EXTL3: variants seen among roughly 807,000 people sequenced by gnomAD.
EXTL3 encodes the protein exostosin like glycosyltransferase 3.
In EXTL3, 27 loss-of-function variants were observed where a neutral mutation model predicts 69.3. The ratio of observed to expected loss-of-function variants is 0.39; its 90% CI spans 0.29 to 0.54. The LOEUF is 0.54. EXTL3 is among the 20% of genes least tolerant of loss of function. The probability of loss-of-function intolerance (pLI) is 0.69; values close to 1 mark genes in which losing one functional copy is unlikely to be tolerated. For synonymous variants in EXTL3, 511 were observed against 499.4 expected (o/e 1.02, Z -0.31); for missense variants, 1,003 against 1,231.8 (o/e 0.81, Z 2.78).
chr8:28,619,266 TAAAAAAAAA>T (rs755355444), upstream of EXTL3, among the ~76,000 whole-genome samples: 58 of 64,634 alleles, frequency 9.0e-4, no homozygotes, highest in African/African-American at 3.3e-3. Context: ...AGCTTAGTGA[TAAAAAAAAA>T]AAAAAAAAAA....
upstream of EXTL3, among the ~76,000 whole-genome samples, chr8:28,698,919 G>A (rs1020180725): frequency 3.3e-5 from 5 of 152,208 alleles, no homozygotes; most frequent in Admixed American, 2.0e-4. Flanking sequence ...CTTGAACCCG[G>A]GAGGCAGAGT....
At chr8:28,748,051 A>G (rs1330716226) in intron 6 of EXTL3, among the ~76,000 whole-genome samples, 5 of 152,214 alleles carry the variant, frequency 3.3e-5, no homozygotes, top group Middle Eastern at 3.4e-3. Context: ...TTAAATTTAT[A>G]TACTTGATTT....
At chr8:28,629,455 G>A (rs1013306138) in intron 1 of EXTL3, among the ~76,000 whole-genome samples, 1 of 152,026 alleles carries the variant, frequency 6.6e-6, no homozygotes, top group African/African-American at 2.4e-5. Flanking sequence ...GGCCGACAAC[G>A]TGTCAAATAT....
chr8:28,622,120 G>T (rs1267006351), upstream of EXTL3, among the ~76,000 whole-genome samples: 2 of 152,284 alleles, frequency 1.3e-5, no homozygotes, highest in East Asian at 3.9e-4. Context: ...AAATAAAAAC[G>T]ACGCGTGCAG....
intron 1 of EXTL3, among the ~76,000 whole-genome samples, chr8:28,640,427 C>G (rs943993920): frequency 6.6e-6 from 1 of 152,098 alleles, no homozygotes; most frequent in Non-Finnish European, 1.5e-5. Context: ...AGCACTAATT[C>G]ACTTCATTTG....
intron 5 of EXTL3, chr8:28,742,229 ATATAAT>A (rs1162529237): frequency 6.6e-6 from 1 of 152,134 alleles, no homozygotes; most frequent in Non-Finnish European, 1.5e-5. Context: ...TGGATTTTTA[ATATAAT>A]TTTAATTTAT....
At chr8:28,734,368 T>C (rs1801602388) in intron 4 of EXTL3, among the ~76,000 whole-genome samples, 1 of 152,190 alleles carries the variant, frequency 6.6e-6, no homozygotes, top group Non-Finnish European at 1.5e-5. Context: ...TACCAAAGTA[T>C]TAATCTATAA....
At chr8:28,735,469 GAGAAT>G (rs1408665816) in intron 4 of EXTL3, among the ~76,000 whole-genome samples, 1 of 152,216 alleles carries the variant, frequency 6.6e-6, no homozygotes, top group Non-Finnish European at 1.5e-5. Flanking sequence ...CAGGTGGTGA[GAGAAT>G]AATGGGAAGC....
In EXTL3 at chr8:28,752,230, A is replaced by G. The variant is rs1408725173; in HGVS notation, c.*1364A>G. On this transcript the variant is annotated 3_prime_UTR_variant, in exon 7 of 7. Coordinates refer to ENST00000220562, the MANE Select transcript of EXTL3 (RefSeq NM_001440.4). ...ATTCTGTTCCCTGGGCTGAAACTGAAATAAGCTAATTTTTTGGGTCACGGT... is the reference window on the plus strand; with the variant it reads ...ATTCTGTTCCCTGGGCTGAAACTGAGATAAGCTAATTTTTTGGGTCACGGT... 1 of 152,320 alleles carries G rather than the reference A, an allele frequency of 6.6e-6. No individual in the cohort carries two copies. Among genetic ancestry groups the G allele is most frequent in the African/African-American group, 2.4e-5 (1 of 41,416 alleles). The allele number at this position is 152,320 out of a possible 1,614,324, so 9.4% of individuals were successfully genotyped here.
At chr8:28,698,820 C>A (rs1319332879), upstream of EXTL3, among the ~76,000 whole-genome samples, 1 of 152,134 alleles carries the variant, frequency 6.6e-6, no homozygotes, top group Non-Finnish European at 1.5e-5. Flanking sequence ...ATGGTGAAAC[C>A]CTGTCTCTAC....
chr8:28,627,488 C>CAA (rs35382851), intron 1 of EXTL3, among the ~76,000 whole-genome samples: 93 of 92,954 alleles, frequency 1.0e-3, no homozygotes, highest in African/African-American at 3.8e-3. Flanking sequence ...GACCCTGTCT[C>CAA]AAAAAAAAAA....
chr8:28,750,437 C>T lies in EXTL3; in HGVS notation c.2551-220C>T, dbSNP rs940528379. ...GTTAAGGCTTTTGGCATCTGAGAAG[C>T]GTAGGCCATCTCAACAGAATACCTG... On this transcript the variant is annotated intron_variant, in intron 6 of 6. Coordinates refer to ENST00000220562, the MANE Select transcript of EXTL3 (RefSeq NM_001440.4). The surrounding 1 kb of genome is among the most constrained non-coding windows in gnomAD (Gnocchi z 5.2). 9.2e-5 allele frequency among the ~76,000 whole-genome samples: 14 copies of T among 152,322 alleles called. No individual in the cohort carries two copies. The highest frequency in any genetic ancestry group is 3.4e-3 in the Middle Eastern group (1 of 294).
chr8:28,727,804 T>C (rs1375480773), intron 3 of EXTL3, among the ~76,000 whole-genome samples: 1 of 152,210 alleles, frequency 6.6e-6, no homozygotes, highest in Non-Finnish European at 1.5e-5. Flanking sequence ...CATGTTAAAA[T>C]GCAGATTCTG....
chr8:28,619,681 C>G (rs986979923), upstream of EXTL3, among the ~76,000 whole-genome samples: 2 of 151,988 alleles, frequency 1.3e-5, no homozygotes, highest in African/African-American at 2.4e-5. Flanking sequence ...ACTCAGTCAC[C>G]TGGGCCCCAG....
At chr8:28,733,832 T>G (rs1801591660) in intron 4 of EXTL3, among the ~76,000 whole-genome samples, 1 of 151,580 alleles carries the variant, frequency 6.6e-6, no homozygotes, top group Admixed American at 6.6e-5. Flanking sequence ...TTTTTTTTTT[T>G]TCTGACACAG....
intron 1 of EXTL3, among the ~76,000 whole-genome samples, chr8:28,635,006 A>C (rs1806630504): frequency 6.6e-6 from 1 of 151,996 alleles, no homozygotes; most frequent in South Asian, 2.1e-4. Flanking sequence ...TTGTAAACTT[A>C]GCACCCCACA....
chr8:28,717,371 G>A lies in EXTL3; in HGVS notation c.1312G>A (p.Asp438Asn), dbSNP rs1801181401. 1 of 1,614,102 alleles carries A rather than the reference G, an allele frequency of 6.2e-7. No homozygotes were observed. Among genetic ancestry groups the A allele is most frequent in the African/African-American group, 1.3e-5 (1 of 74,936 alleles). ...STFALIITPG[D>N]PRLVISSGCA... The stretch of plus-strand genomic sequence containing the variant: ...CTTCGCCCTCATCATTACCCCCGGG[G>A]ACCCTCGCTTGGTTATTTCCTCTGG... The change falls in exon 3 of 7, where the codon GAC becomes AAC. Residue 438 changes from aspartate to asparagine, a missense_variant. Physicochemically the swap from Asp to Asn is conservative, Grantham distance 23. Transcript: ENST00000220562. This position sits in a 1 kb window ranked among gnomAD's most constrained non-coding sequence, Gnocchi z 8.3.
At chr8:28,664,934 CCTT>C (rs72159704) in intron 1 of EXTL3, among the ~76,000 whole-genome samples, 64,635 of 151,626 alleles carry the variant, frequency 0.43, 16,403 homozygotes, top group Non-Finnish European at 0.58. Flanking sequence ...TCCTCCCCTT[CCTT>C]CTTTGTCTCC....
At chr8:28,670,842 A>T (rs1448852273) in intron 1 of EXTL3, among the ~76,000 whole-genome samples, 1 of 152,218 alleles carries the variant, frequency 6.6e-6, no homozygotes, top group Admixed American at 6.5e-5. Context: ...AAAATTAGCC[A>T]TCACAAAGTG....
Sources: gnomAD v4.1 joint callset for allele counts (sites outside exome capture counted in the v4.1 genomes callset) on GRCh38, gnomAD v4.1.1 for gene constraint, Gnocchi (gnomAD v3.1) non-coding constraint, MANE v1.5 for transcripts, NCBI Gene and HGNC (gene_info 2026-07-23, HGNC 2026-07-21) for gene names.